The following MFNG variants were observed in gnomAD, a reference collection of about 807,000 sequenced individuals.
MFNG encodes beta-1,3-N-acetylglucosaminyltransferase manic fringe.
Under a neutral mutation model 34.2 loss-of-function variants are expected in MFNG, and 24 were observed. That is an observed-to-expected ratio of 0.70 (90% confidence interval 0.51 to 0.99). The LOEUF (loss-of-function observed/expected upper bound fraction) is 0.99, where lower values mean the gene tolerates loss of function less well. Among genes scored for constraint, MFNG ranks in the 50% least tolerant of loss-of-function variants. The pLI, the probability that MFNG is intolerant of heterozygous loss-of-function variation, is 0.00. For synonymous variants in MFNG, 158 were observed against 179.2 expected, an observed-to-expected ratio of 0.88 and a Z score of 0.94; for missense variants, 383 against 424.0, an observed-to-expected ratio of 0.90 and a Z score of 0.85.
chr22:37,470,283 C>T (rs987072766), intron 7 of MFNG, among the ~76,000 whole-genome samples: 9 of 152,130 alleles, frequency 5.9e-5, no homozygotes, highest in African/African-American at 1.7e-4. Flanking sequence ...AAAATGTCTC[C>T]GACATTGCCA....
At chr22:37,470,050 G>A in intron 7 of MFNG, 21 bp from the exon 8 acceptor site, 1 of 1,574,250 alleles carries the variant, frequency 6.4e-7, no homozygotes, top group Admixed American at 1.8e-5. Context: ...ACCAGAAAAG[G>A]ACAGGATGGT....
chr22:37,479,759 T>C (rs1315682677), intron 3 of MFNG, among the ~76,000 whole-genome samples: 2 of 152,120 alleles, frequency 1.3e-5, no homozygotes, highest in East Asian at 3.9e-4. Context: ...AGCCCAGCAC[T>C]TTAGGAGGCC....
intron 5 of MFNG, among the ~76,000 whole-genome samples, chr22:37,475,904 T>C (rs1210480358): frequency 6.6e-6 from 1 of 152,214 alleles, no homozygotes; most frequent in African/African-American, 2.4e-5. Context: ...AGCCCGCTCT[T>C]GTCCAGTATG....
rs924404341 is a variant in MFNG, at chr22:37,485,186, C to A, written c.255+737G>T. Among the ~76,000 whole-genome samples the A allele has an allele frequency of 5.3e-5, 8 of 150,246 alleles. No homozygotes were observed. The highest frequency in any genetic ancestry group is 1.5e-4 in the African/African-American group (6 of 41,106). Reference sequence around the variant, plus strand: ...CACTCCAGCTCCGTGCGTGTGAGCACACACACACACACACACACAATCCCA... The same window carrying A: ...CACTCCAGCTCCGTGCGTGTGAGCAAACACACACACACACACACAATCCCA... On this transcript the variant is annotated intron_variant, in intron 1 of 7. Transcript: ENST00000356998. The surrounding 1 kb of genome is among the most constrained non-coding windows in gnomAD (Gnocchi z 5.3).
chr22:37,479,981 G>A (rs1311210151), intron 3 of MFNG, among the ~76,000 whole-genome samples: 2 of 152,026 alleles, frequency 1.3e-5, no homozygotes, highest in Non-Finnish European at 2.9e-5. Flanking sequence ...TCCAGCCTGG[G>A]CAAGAAGAAC....
Position 37,482,867 on chromosome 22 carries a change from C to T in MFNG, c.256-2098G>A, listed in dbSNP as rs1304632764. ...CGAATGCTGGAGGTCTCTGGATTTC[C>T]GCAGGGGGAAATGGTGGTGGTCCAA... On this transcript the variant is annotated intron_variant, in intron 1 of 7. Coordinates refer to ENST00000356998, the MANE Select transcript of MFNG (RefSeq NM_002405.4). The surrounding 1 kb of genome is among the most constrained non-coding windows in gnomAD (Gnocchi z 4.1). Among the ~76,000 whole-genome samples the T allele has an allele frequency of 1.3e-5, 2 of 152,124 alleles. No individual in the cohort carries two copies. Among genetic ancestry groups the T allele is most frequent in the African/African-American group, 2.4e-5 (1 of 41,428 alleles).
At chr22:37,476,281 A>C (rs1351352612) in intron 5 of MFNG, among the ~76,000 whole-genome samples, 1 of 150,648 alleles carries the variant, frequency 6.6e-6, no homozygotes, top group Non-Finnish European at 1.5e-5. Context: ...GGCCTCCACT[A>C]CCCCTGAGAT....
chr22:37,477,122 T>C (rs960899204), intron 4 of MFNG, 141 bp from the exon 5 acceptor site: 6 of 685,424 alleles, frequency 8.8e-6, no homozygotes, highest in African/African-American at 5.4e-5. Flanking sequence ...TGCTACAACC[T>C]GGCATTATTG....
rs112395451 is a variant in MFNG at position 37,485,183 on chromosome 22, G to GCA, written c.255+738_255+739dup. ...GCACACTCCAGCTCCGTGCGTGTGA[G>GCA]CACACACACACACACACACACAATC... On this transcript the variant is annotated intron_variant, in intron 1 of 7. Transcript: ENST00000356998. This position sits in a 1 kb window ranked among gnomAD's most constrained non-coding sequence, Gnocchi z 5.3. Among the ~76,000 whole-genome samples the GCA allele has an allele frequency of 0.013, 1,956 of 149,964 alleles. 20 individuals are homozygous for GCA. Among genetic ancestry groups the GCA allele is most frequent in the African/African-American group, 0.027 (1,098 of 40,974 alleles).
chr22:37,469,820 T>G lies in MFNG; in HGVS notation c.*143A>C, dbSNP rs773849305. Reference sequence around the variant, plus strand: ...GGGTGCCTTCAGTGCCAATTGCCACTCAGATCCTGGGCTTGCCAACCACCC... The same window carrying G: ...GGGTGCCTTCAGTGCCAATTGCCACGCAGATCCTGGGCTTGCCAACCACCC... On this transcript the variant is annotated 3_prime_UTR_variant, in exon 8 of 8. Transcript: ENST00000356998. 8 of 756,448 alleles carry G rather than the reference T, an allele frequency of 1.1e-5. No individual in the cohort carries two copies. 46.9% of individuals were successfully genotyped at this position (756,448 alleles called of 1,614,324 possible). A position where few individuals can be genotyped will look rare whatever the true frequency, so the allele number is the denominator to read the frequency against.
Position 37,482,171 on chromosome 22 carries a change from C to T in MFNG, c.256-1402G>A, listed in dbSNP as rs1601799808. On this transcript the variant is annotated intron_variant, in intron 1 of 7. Coordinates refer to ENST00000356998, the MANE Select transcript of MFNG (RefSeq NM_002405.4). This position sits in a 1 kb window ranked among gnomAD's most constrained non-coding sequence, Gnocchi z 4.1. ...CATGGCCACAGCCCTGCTTCTGAGC[C>T]ACTATCACCTCTCACTGGACTACTG... Among the ~76,000 whole-genome samples, 1 of 152,170 alleles carries T rather than the reference C, an allele frequency of 6.6e-6. No homozygotes were observed. Among genetic ancestry groups the T allele is most frequent in the Non-Finnish European group, 1.5e-5 (1 of 68,026 alleles).
intron 4 of MFNG, among the ~76,000 whole-genome samples, chr22:37,478,671 C>T (rs1218379985): frequency 6.7e-6 from 1 of 148,470 alleles, no homozygotes; most frequent in East Asian, 1.9e-4. Flanking sequence ...CAGTATTCAG[C>T]AATTTTTTTT....
Position 37,483,823 on chromosome 22 carries a change from G to A in MFNG, c.255+2100C>T, listed in dbSNP as rs1467768029. ...AGCCATGAACAGAGTGAGGGAGAGA[G>A]CCGGGAAGGGGAGTCCAGGTCCAGA... On this transcript the variant is annotated intron_variant, in intron 1 of 7. Coordinates refer to ENST00000356998, the MANE Select transcript of MFNG (RefSeq NM_002405.4). This position sits in a 1 kb window ranked among gnomAD's most constrained non-coding sequence, Gnocchi z 4.5. Among the ~76,000 whole-genome samples the A allele has an allele frequency of 6.6e-6, 1 of 152,150 alleles. No individual in the cohort carries two copies. Among genetic ancestry groups the A allele is most frequent in the Non-Finnish European group, 1.5e-5 (1 of 68,032 alleles).
At chr22:37,480,620 G>A in intron 2 of MFNG, 101 bp downstream of exon 2, 1 of 1,128,684 alleles carries the variant, frequency 8.9e-7, no homozygotes, top group South Asian at 1.3e-5. Flanking sequence ...CCAAGGGTGG[G>A]CGGCCCATTT....
rs1009551080 is a variant in MFNG, at chr22:37,482,457, G to A, written c.256-1688C>T. Among the ~76,000 whole-genome samples the A allele has an allele frequency of 7.4e-5, 11 of 148,374 alleles. No homozygotes were observed. In the South Asian group the frequency reaches 1.5e-3, roughly 20 times the overall value. On this transcript the variant is annotated intron_variant, in intron 1 of 7. Transcript: ENST00000356998. This position sits in a 1 kb window ranked among gnomAD's most constrained non-coding sequence, Gnocchi z 4.1. The stretch of plus-strand genomic sequence containing the variant: ...CACACACACACGCACACACACGCAC[G>A]CATACACACACACACACACACACGC...
chr22:37,481,089 TCACA>T (rs996201718), intron 1 of MFNG: 8 of 371,912 alleles, frequency 2.2e-5, no homozygotes, highest in South Asian at 6.9e-5. Flanking sequence ...ACACACACAA[TCACA>T]CACACACACA....
chr22:37,480,032 A>T (rs934120575), intron 3 of MFNG, among the ~76,000 whole-genome samples, 165 bp downstream of exon 3: 1 of 151,950 alleles, frequency 6.6e-6, no homozygotes, highest in Admixed American at 6.5e-5. Flanking sequence ...TCCCAAGGTC[A>T]CATACCCAAT....
chr22:37,473,567 T>C (rs1256963279), intron 6 of MFNG, among the ~76,000 whole-genome samples: 1 of 152,174 alleles, frequency 6.6e-6, no homozygotes, highest in East Asian at 1.9e-4. Context: ...GCCATCCTAA[T>C]GGGACCAACC....
Position 37,486,010 on chromosome 22 carries a change from G to T in MFNG, c.168C>A (p.Val56=). 6.2e-7 allele frequency: 1 copy of T among 1,614,134 alleles called. No homozygotes were observed. Among genetic ancestry groups the T allele is most frequent in the African/African-American group, 1.3e-5 (1 of 75,072 alleles). ...CCCGGGTCGTCTTCACTGCAATGAAGACATCGTGTAGCTGTAGCTTAGGGG... is the reference window on the plus strand; with the variant it reads ...CCCGGGTCGTCTTCACTGCAATGAATACATCGTGTAGCTGTAGCTTAGGGG... ...PGPPKLQLHD[V]FIAVKTTRAF... Residue 56 remains valine (V), a synonymous_variant, in exon 1 of 8, where the codon GTC becomes GTA. Coordinates refer to ENST00000356998, the MANE Select transcript of MFNG (RefSeq NM_002405.4).
Sources: allele counts gnomAD v4.1 joint callset (sites outside exome capture counted in the v4.1 genomes callset), GRCh38; gene constraint gnomAD v4.1.1; non-coding constraint Gnocchi (gnomAD v3.1); transcripts MANE v1.5; gene names NCBI Gene and HGNC (gene_info 2026-07-23, HGNC 2026-07-21).